Variants in NRXN1 observed in about 807,000 individuals in gnomAD.
NRXN1 encodes the protein neurexin 1.
Under a neutral mutation model 150.9 loss-of-function variants are expected in NRXN1, and 39 were observed. That is an observed-to-expected ratio of 0.26 (90% CI 0.20 to 0.34). NRXN1 has a LOEUF of 0.34. NRXN1 is among the 10% of genes least tolerant of loss of function. The pLI, the probability that NRXN1 is intolerant of heterozygous loss-of-function variation, is 1.00. For synonymous variants in NRXN1, 924 were observed against 757.0 expected (o/e 1.22, Z -3.62); for missense variants, 1,815 against 1,949.9 (o/e 0.93, Z 1.30).
intron 17 of NRXN1, among the ~76,000 whole-genome samples, chr2:50,434,043 ATTT>A (rs748364051): frequency 0.064 from 4,592 of 71,854 alleles, 604 homozygotes; most frequent in African/African-American, 0.12. Flanking sequence ...TATCTAAGCC[ATTT>A]TTTTTTTTTT....
intron 17 of NRXN1, among the ~76,000 whole-genome samples, chr2:50,276,531 T>C (rs752344652): frequency 2.0e-5 from 3 of 152,190 alleles, no homozygotes; most frequent in Non-Finnish European, 4.4e-5. Flanking sequence ...AGTTTTGCAA[T>C]GGGAATACTT....
At chr2:50,800,696 T>C (rs972690841) in intron 5 of NRXN1, among the ~76,000 whole-genome samples, 13 of 152,074 alleles carry the variant, frequency 8.5e-5, no homozygotes, top group African/African-American at 2.9e-4. Flanking sequence ...ATTACAGGCA[T>C]GCACCACCAC....
intron 5 of NRXN1, among the ~76,000 whole-genome samples, chr2:50,640,680 T>C: frequency 6.6e-6 from 1 of 152,180 alleles, no homozygotes; most frequent in East Asian, 1.9e-4. Context: ...AAAGGAAATA[T>C]CATCTGAGAG....
At chr2:50,343,210 G>C (rs2077680211) in intron 17 of NRXN1, among the ~76,000 whole-genome samples, 1 of 152,240 alleles carries the variant, frequency 6.6e-6, no homozygotes, top group Middle Eastern at 3.4e-3. Flanking sequence ...TTTATCTCCT[G>C]AAATTATTGA....
chr2:50,329,494 T>C (rs2076604109), intron 17 of NRXN1, among the ~76,000 whole-genome samples: 2 of 149,538 alleles, frequency 1.3e-5, no homozygotes, highest in Admixed American at 6.7e-5. Flanking sequence ...GTATTAAAAA[T>C]CTAAAAATAA....
intron 17 of NRXN1, among the ~76,000 whole-genome samples, chr2:50,296,976 G>A (rs561037171): frequency 4.0e-5 from 6 of 150,698 alleles, no homozygotes; most frequent in Middle Eastern, 6.8e-3. Flanking sequence ...TCCGTCTCCC[G>A]GGTTCAAGCA....
intron 22 of NRXN1, among the ~76,000 whole-genome samples, chr2:49,927,578 A>G (rs1669318090): frequency 1.3e-5 from 2 of 152,250 alleles, no homozygotes; most frequent in Admixed American, 1.3e-4. Flanking sequence ...TTCCCTTTGC[A>G]ATGGTGACAT....
intron 17 of NRXN1, among the ~76,000 whole-genome samples, chr2:50,356,172 T>A (rs2078800269): frequency 1.3e-5 from 2 of 152,170 alleles, no homozygotes; most frequent in Admixed American, 6.5e-5. Context: ...GGTTTTATAA[T>A]GGAAATACTG....
At chr2:50,046,693 A>G (rs2152607689) in intron 21 of NRXN1, among the ~76,000 whole-genome samples, 1 of 152,282 alleles carries the variant, frequency 6.6e-6, no homozygotes, top group Non-Finnish European at 1.5e-5. Flanking sequence ...TAAGTAACTC[A>G]CAGCTAGTAC....
intron 5 of NRXN1, among the ~76,000 whole-genome samples, chr2:50,683,631 C>CAAAAAAA (rs745831100): frequency 2.3e-4 from 2 of 8,530 alleles, no homozygotes; most frequent in Non-Finnish European, 1.7e-4. Context: ...GACTCCGTCT[C>CAAAAAAA]AAAAAAAAAA....
At chr2:50,780,917 C>T (rs1014484081) in intron 5 of NRXN1, among the ~76,000 whole-genome samples, 3 of 152,118 alleles carry the variant, frequency 2.0e-5, no homozygotes. Flanking sequence ...AGGACACATT[C>T]TTAGGTTTAG....
At chr2:50,259,906 G>T (rs1468437463) in intron 17 of NRXN1, among the ~76,000 whole-genome samples, 1 of 151,778 alleles carries the variant, frequency 6.6e-6, no homozygotes, top group African/African-American at 2.4e-5. Flanking sequence ...ATCATTTGTG[G>T]TGCATAGGTG....
chr2:50,909,604 G>A (rs535184493), intron 5 of NRXN1, among the ~76,000 whole-genome samples: 1 of 151,992 alleles, frequency 6.6e-6, no homozygotes, highest in African/African-American at 2.4e-5. Context: ...CAAATTATGT[G>A]AGGAATCTCG....
rs147505703 is a variant in NRXN1 at position 50,491,378 on chromosome 2, G to C, written c.3070+4527C>G. Among the ~76,000 whole-genome samples the C allele has an allele frequency of 1.7e-3, 254 of 152,316 alleles. 1 individual carries two copies. The highest frequency in any genetic ancestry group is 5.9e-3 in the African/African-American group (245 of 41,568). Reference sequence around the variant, plus strand: ...ACTATTTATCTTCAAACTTTGCTTAGAGGTTGAGTATATTTGAAAAGAAAG... The same window carrying C: ...ACTATTTATCTTCAAACTTTGCTTACAGGTTGAGTATATTTGAAAAGAAAG... On this transcript the variant is annotated intron_variant, in intron 15 of 22. Coordinates refer to ENST00000401669, the MANE Select transcript of NRXN1 (RefSeq NM_001330078.2).
At chr2:50,049,239 C>T (rs1692314174) in intron 21 of NRXN1, among the ~76,000 whole-genome samples, 1 of 152,116 alleles carries the variant, frequency 6.6e-6, no homozygotes, top group African/African-American at 2.4e-5. Context: ...TCCAGGCCAA[C>T]TGGGCTGCAT....
chr2:50,011,781 A>T (rs1167707477), intron 21 of NRXN1, among the ~76,000 whole-genome samples: 1 of 152,084 alleles, frequency 6.6e-6, no homozygotes, highest in Non-Finnish European at 1.5e-5. Flanking sequence ...AAGATGGAGA[A>T]AAATAGTCAA....
At position 50,055,388 on chromosome 2, in the gene NRXN1, T is replaced by C. The variant is rs144712813; in HGVS notation, c.3719-344A>G. Among the ~76,000 whole-genome samples the C allele has an allele frequency of 7.0e-4, 107 of 152,302 alleles. 1 individual carries two copies. The highest frequency in any genetic ancestry group is 2.5e-3 in the African/African-American group (106 of 41,578). ...CAGGGTTTTGTCTTTTTGATGTTTCTTATTAACTAGTTAAACATGTTCAGG... is the reference window on the plus strand; with the variant it reads ...CAGGGTTTTGTCTTTTTGATGTTTCCTATTAACTAGTTAAACATGTTCAGG... On this transcript the variant is annotated intron_variant, in intron 19 of 22. Coordinates refer to ENST00000401669, the MANE Select transcript of NRXN1 (RefSeq NM_001330078.2).
intron 18 of NRXN1, among the ~76,000 whole-genome samples, chr2:50,093,649 T>G (rs1437757745): frequency 6.6e-6 from 1 of 151,742 alleles, no homozygotes; most frequent in Non-Finnish European, 1.5e-5. Flanking sequence ...AAATAAATAT[T>G]TTAAAAATTA....
intron 22 of NRXN1, among the ~76,000 whole-genome samples, 165 bp from the exon 23 acceptor site, chr2:49,922,416 T>C (rs181118957): frequency 9.1e-4 from 138 of 152,338 alleles, no homozygotes; most frequent in Admixed American, 1.6e-3. Context: ...TACTAAAAAC[T>C]AGGGACTGTG....
Sources: gnomAD v4.1 joint callset for allele counts (sites outside exome capture counted in the v4.1 genomes callset) on GRCh38, gnomAD v4.1.1 for gene constraint, MANE v1.5 for transcripts, NCBI Gene and HGNC (gene_info 2026-07-23, HGNC 2026-07-21) for gene names.